RBFOX2: variants seen among roughly 807,000 people sequenced by gnomAD.
The protein encoded by RBFOX2 is RNA binding fox-1 homolog 2, also known as RNA binding protein fox-1 homolog 2.
A neutral mutation model predicts 49.1 loss-of-function variants in RBFOX2; 10 were observed. That is an observed-to-expected ratio of 0.20 (90% CI 0.13 to 0.35). RBFOX2 has a LOEUF of 0.35. RBFOX2 is among the 10% of genes least tolerant of loss of function. RBFOX2 has a pLI of 1.00. For synonymous variants in RBFOX2, 183 were observed against 187.4 expected (o/e 0.98, Z 0.19); for missense variants, 323 against 486.9 (o/e 0.66, Z 3.17).
chr22:35,897,406 G>A, intron 1 of RBFOX2: 1 of 963,644 alleles, frequency 1.0e-6, no homozygotes, highest in Non-Finnish European at 1.7e-6. Flanking sequence ...CTGGGCAGGT[G>A]AGACAAGGTC....
intron 1 of RBFOX2, among the ~76,000 whole-genome samples, chr22:35,917,156 G>C: frequency 6.6e-6 from 1 of 152,230 alleles, no homozygotes; most frequent in Non-Finnish European, 1.5e-5. Flanking sequence ...TGGGGGAAAA[G>C]AGTGAAGGAT....
chr22:35,969,559 G>C (rs2056757352), intron 1 of RBFOX2, among the ~76,000 whole-genome samples: 2 of 152,066 alleles, frequency 1.3e-5, no homozygotes, highest in African/African-American at 4.8e-5. Flanking sequence ...GGGCAACAGA[G>C]GGAAACTTTG....
chr22:35,938,675 T>C (rs1302222632), intron 1 of RBFOX2, among the ~76,000 whole-genome samples, 172 bp downstream of exon 2: 3 of 152,340 alleles, frequency 2.0e-5, no homozygotes, highest in East Asian at 1.9e-4. Context: ...ATAATACTTA[T>C]AGAATTTAAA....
chr22:35,994,385 TTTTATTTATTTA>T (rs560646071), intron 1 of RBFOX2: 10 of 148,128 alleles, frequency 6.8e-5, no homozygotes, highest in South Asian at 2.2e-4. Flanking sequence ...TATTTATTCA[TTTTATTTATTTA>T]TTTATTTATT....
At chr22:35,933,369 T>C (rs985156767) in intron 1 of RBFOX2, among the ~76,000 whole-genome samples, 5 of 152,244 alleles carry the variant, frequency 3.3e-5, no homozygotes, top group Non-Finnish European at 5.9e-5. Flanking sequence ...CACAAATATA[T>C]ACATTTGTAT....
chr22:36,028,106 G>A (rs2059519399), intron 1 of RBFOX2, 134 bp downstream of exon 1: 1 of 1,285,932 alleles, frequency 7.8e-7, no homozygotes, highest in Non-Finnish European at 9.9e-7. Context: ...CTTCCAACCA[G>A]GCCCCGAATG....
intron 1 of RBFOX2, among the ~76,000 whole-genome samples, chr22:35,820,445 A>G (rs1954217188): frequency 6.6e-6 from 1 of 152,110 alleles, no homozygotes; most frequent in African/African-American, 2.4e-5. Flanking sequence ...TACATACACA[A>G]TCTTTAATAG....
At chr22:36,028,527 C>T (rs2059539269) in exon 1 of RBFOX2, 2 of 972,042 alleles carry the variant, frequency 2.1e-6, no homozygotes, top group Non-Finnish European at 2.5e-6. Flanking sequence ...CGCGCGCCTG[C>T]CCCCGCCCCC....
chr22:35,963,068 A>G (rs1036324276), upstream of RBFOX2, among the ~76,000 whole-genome samples: 3 of 124,840 alleles, frequency 2.4e-5, no homozygotes, highest in African/African-American at 6.2e-5. Context: ...GCAAAAAAAA[A>G]AAAAAAAAAA....
chr22:35,914,193 CCTCTCTAGCCTACA>C (rs2050148763), intron 1 of RBFOX2, among the ~76,000 whole-genome samples: 2 of 152,116 alleles, frequency 1.3e-5, no homozygotes, highest in South Asian at 4.1e-4. Flanking sequence ...AGCTGGACAG[CCTCTCTAGCCTACA>C]CTTTTCTCAT....
chr22:35,891,943 T>A (rs1364480409), intron 1 of RBFOX2, among the ~76,000 whole-genome samples: 1 of 152,016 alleles, frequency 6.6e-6, no homozygotes, highest in Admixed American at 6.6e-5. Flanking sequence ...GTACTTAACA[T>A]ACAAACTAAG....
chr22:35,901,570 C>T (rs2048578270), intron 1 of RBFOX2, among the ~76,000 whole-genome samples: 1 of 152,170 alleles, frequency 6.6e-6, no homozygotes, highest in South Asian at 2.1e-4. Flanking sequence ...CTGGCCAAAA[C>T]ACTGCTACTA....
At chr22:35,808,744 GAGGCTGAGGC>G (rs1318180979) in intron 2 of RBFOX2, among the ~76,000 whole-genome samples, 3 of 152,086 alleles carry the variant, frequency 2.0e-5, no homozygotes, top group Non-Finnish European at 1.5e-5. Context: ...AGCTAGATGG[GAGGCTGAGGC>G]AGGAGGATCA....
At chr22:35,762,375 T>G (rs1463467187) in intron 6 of RBFOX2, among the ~76,000 whole-genome samples, 1 of 152,064 alleles carries the variant, frequency 6.6e-6, no homozygotes, top group Non-Finnish European at 1.5e-5. Flanking sequence ...GAATTTTACA[T>G]ATAAGCAAAA....
chr22:35,763,416 G>A (rs1939683419), intron 6 of RBFOX2, among the ~76,000 whole-genome samples: 1 of 152,050 alleles, frequency 6.6e-6, no homozygotes, highest in Admixed American at 6.6e-5. Flanking sequence ...ACAAAAATTA[G>A]CCGGATGTGG....
chr22:35,798,677 G>A (rs1055004555), intron 2 of RBFOX2, among the ~76,000 whole-genome samples: 1 of 152,134 alleles, frequency 6.6e-6, no homozygotes, highest in Non-Finnish European at 1.5e-5. Context: ...CTATTAAGTA[G>A]TTATTGCCCC....
At chr22:35,909,263 G>A (rs1351752748) in intron 1 of RBFOX2, among the ~76,000 whole-genome samples, 1 of 152,104 alleles carries the variant, frequency 6.6e-6, no homozygotes, top group Non-Finnish European at 1.5e-5. Context: ...TTTGAGACCA[G>A]CCTAAGCCAC....
chr22:35,843,836 T>C (rs961967676), upstream of RBFOX2, among the ~76,000 whole-genome samples: 1 of 152,188 alleles, frequency 6.6e-6, no homozygotes, highest in South Asian at 2.1e-4. Flanking sequence ...ATTTTTCTTA[T>C]ATGCATTTCC....
intron 1 of RBFOX2, among the ~76,000 whole-genome samples, chr22:35,882,507 G>A (rs1457743371): frequency 6.6e-6 from 1 of 152,184 alleles, no homozygotes; most frequent in Non-Finnish European, 1.5e-5. Context: ...GGCAAAGTGA[G>A]GTCAAGAGTA....
Sources: allele counts gnomAD v4.1 joint callset (sites outside exome capture counted in the v4.1 genomes callset), GRCh38; gene constraint gnomAD v4.1.1; transcripts MANE v1.5; gene names NCBI Gene and HGNC (gene_info 2026-07-23, HGNC 2026-07-21).